IAH1: variants seen among roughly 807,000 people sequenced by gnomAD.
IAH1 encodes the protein isoamyl acetate hydrolyzing esterase 1 (putative).
Under a neutral mutation model 26.7 loss-of-function variants are expected in IAH1, and 24 were observed. That is an observed-to-expected ratio of 0.90 (90% confidence interval 0.65 to 1.26). The LOEUF (loss-of-function observed/expected upper bound fraction) is 1.26, where lower values mean the gene tolerates loss of function less well. IAH1 is among the 50% of genes most tolerant of loss of function. IAH1 has a pLI of 0.00. For synonymous variants in IAH1, 140 were observed against 118.5 expected, an observed-to-expected ratio of 1.18 and a Z score of -1.18; for missense variants, 300 against 299.9, an observed-to-expected ratio of 1.00 and a Z score of 0.00.
the IAH1 span, among the ~76,000 whole-genome samples, chr2:9,507,786 C>T: frequency 1.1e-4 from 17 of 152,204 alleles, no homozygotes; most frequent in South Asian, 3.5e-3. Flanking sequence ...GTAGCACAAC[C>T]TTGGCTCACT....
Position 9,483,785 on chromosome 2 carries a change from C to A in IAH1, c.446-647C>A, listed in dbSNP as rs576155132. Among the ~76,000 whole-genome samples, 5 of 152,304 alleles carry A rather than the reference C, an allele frequency of 3.3e-5. No homozygotes were observed. The East Asian group carries it at 9.7e-4, about 29-fold the overall frequency. Reference sequence around the variant, plus strand: ...TGCACTTGTGTTAGATACACTCAATCGTTCTGTGCTAGCTGCTTTGCTGGT... The same window carrying A: ...TGCACTTGTGTTAGATACACTCAATAGTTCTGTGCTAGCTGCTTTGCTGGT... On this transcript the variant is annotated intron_variant, in intron 4 of 5. Coordinates refer to ENST00000497473, the MANE Select transcript of IAH1 (RefSeq NM_001039613.3).
intron 2 of IAH1, among the ~76,000 whole-genome samples, chr2:9,477,984 T>C (rs1487990500): frequency 1.3e-5 from 2 of 152,160 alleles, no homozygotes; most frequent in African/African-American, 4.8e-5. Context: ...TCACAGCCCC[T>C]TTATATATAA....
chr2:9,482,330 G>T (rs1661235643), intron 4 of IAH1, among the ~76,000 whole-genome samples: 1 of 152,176 alleles, frequency 6.6e-6, no homozygotes, highest in African/African-American at 2.4e-5. Context: ...TCCTGGACTG[G>T]AAGTTTTCTA....
rs545156296 is a variant in IAH1, at chr2:9,477,620, G to A, written c.135-602G>A. 1.2e-4 allele frequency among the ~76,000 whole-genome samples: 18 copies of A among 150,778 alleles called. No homozygotes were observed. The East Asian group carries it at 2.6e-3, about 21-fold the overall frequency. ...AGGAGCACAGCGTGCCCAGGGTCACGCCTAGTCACACAGGGAGCCGAGAAA... is the reference window on the plus strand; with the variant it reads ...AGGAGCACAGCGTGCCCAGGGTCACACCTAGTCACACAGGGAGCCGAGAAA... On this transcript the variant is annotated intron_variant, in intron 2 of 5. Coordinates refer to ENST00000497473, the MANE Select transcript of IAH1 (RefSeq NM_001039613.3).
chr2:9,481,374 T>G lies in IAH1; in HGVS notation c.372T>G (p.Pro124=). The G allele has an allele frequency of 6.2e-7, 1 of 1,614,200 alleles. No individual in the cohort carries two copies. The highest frequency in any genetic ancestry group is 8.5e-7 in the Non-Finnish European group (1 of 1,180,032). Residue 124 remains proline, a synonymous_variant, in exon 4 of 6, where the codon CCT becomes CCG. Coordinates refer to ENST00000497473, the MANE Select transcript of IAH1 (RefSeq NM_001039613.3). ...MVQYLKSVDI[P]ENRVILITPT... The stretch of plus-strand genomic sequence containing the variant: ...AGTACCTGAAGTCCGTGGACATCCC[T>G]GAGAATCGAGTCATTCTCATCACGC...
the IAH1 span, among the ~76,000 whole-genome samples, chr2:9,506,440 T>C: frequency 0.58 from 86,558 of 148,862 alleles, 26,512 homozygotes; most frequent in African/African-American, 0.71. Context: ...AATCTTGGCT[T>C]ATTGTAACCT....
upstream of IAH1, among the ~76,000 whole-genome samples, chr2:9,474,103 C>G (rs1173132394): frequency 2.0e-5 from 3 of 152,194 alleles, no homozygotes; most frequent in East Asian, 5.8e-4. The surrounding 1 kb of genome is among the most constrained non-coding windows in gnomAD (Gnocchi z 4.3). Flanking sequence ...TTCCGCAGTG[C>G]CTGCGTCCTC....
chr2:9,480,338 A>G (rs1298845955), intron 3 of IAH1, among the ~76,000 whole-genome samples: 2 of 152,166 alleles, frequency 1.3e-5, no homozygotes, highest in East Asian at 3.9e-4. Flanking sequence ...CTCTGTCTCA[A>G]TAACAACAAA....
At chr2:9,487,788 TTGTGTG>T (rs70948823) in intron 5 of IAH1, among the ~76,000 whole-genome samples, 12,570 of 133,646 alleles carry the variant, frequency 0.094, 787 homozygotes, top group East Asian at 0.32. Flanking sequence ...CCCGGCCTTT[TTGTGTG>T]TGTGTGTGTG....
rs1371316790 is a variant in IAH1 at position 9,474,961 on chromosome 2, C to T, written c.81+314C>T. 55 of 1,062,202 alleles carry T rather than the reference C, an allele frequency of 5.2e-5. No individual in the cohort carries two copies. The highest frequency in any genetic ancestry group is 5.7e-5 in the Non-Finnish European group (49 of 861,258). 65.8% of individuals were successfully genotyped at this position (1,062,202 alleles called of 1,614,324 possible). On this transcript the variant is annotated intron_variant, in intron 1 of 5. Coordinates refer to ENST00000497473, the MANE Select transcript of IAH1 (RefSeq NM_001039613.3). The surrounding 1 kb of genome is among the most constrained non-coding windows in gnomAD (Gnocchi z 4.3). Reference sequence around the variant, plus strand: ...GATGCGCGGTCTTCCCCTCAGCGCCCTCCTGGGCAGCGGCCTTTCCCCTCC... The same window carrying T: ...GATGCGCGGTCTTCCCCTCAGCGCCTTCCTGGGCAGCGGCCTTTCCCCTCC...
intron 2 of IAH1, among the ~76,000 whole-genome samples, chr2:9,477,027 A>G (rs1660842220): frequency 6.6e-6 from 1 of 152,096 alleles, no homozygotes; most frequent in Non-Finnish European, 1.5e-5. Flanking sequence ...ACCAACAGGC[A>G]CTCGCTACCA....
chr2:9,474,430 C>T, upstream of IAH1: 3 of 463,266 alleles, frequency 6.5e-6, no homozygotes, highest in East Asian at 1.1e-4. This position sits in a 1 kb window ranked among gnomAD's most constrained non-coding sequence, Gnocchi z 4.3. Flanking sequence ...AAACGGACTC[C>T]AAGGGGCAAC....
chr2:9,475,120 T>C, intron 1 of IAH1: 1 of 1,274,588 alleles, frequency 7.8e-7, no homozygotes, highest in Non-Finnish European at 1.0e-6. Context: ...GGGGTTGACC[T>C]TGGAAGTAAA....
At chr2:9,494,444 C>T (rs1317380278), downstream of IAH1, among the ~76,000 whole-genome samples, 2 of 152,184 alleles carry the variant, frequency 1.3e-5, no homozygotes, top group African/African-American at 2.4e-5. Flanking sequence ...CCTCCCACCA[C>T]AGAAGGAAAC....
At chr2:9,493,920 T>G (rs1386519603), downstream of IAH1, 1 of 1,005,930 alleles carries the variant, frequency 9.9e-7, no homozygotes, top group Non-Finnish European at 1.5e-6. Flanking sequence ...GTAAAGGGCT[T>G]CATTAAAATC....
downstream of IAH1, among the ~76,000 whole-genome samples, chr2:9,501,104 TCA>T (rs1662973743): frequency 6.6e-6 from 1 of 152,032 alleles, no homozygotes; most frequent in Admixed American, 6.6e-5. Flanking sequence ...TCCTCCAAAT[TCA>T]CAGTAGTGAA....
At chr2:9,475,720 C>G (rs1682449993) in intron 1 of IAH1, 2 of 502,598 alleles carry the variant, frequency 4.0e-6, no homozygotes, top group South Asian at 2.4e-5. Context: ...AGGCTGGTCT[C>G]GAACTCGAGA....
At chr2:9,497,725 T>A (rs1290467995), downstream of IAH1, among the ~76,000 whole-genome samples, 3 of 152,184 alleles carry the variant, frequency 2.0e-5, no homozygotes, top group African/African-American at 7.2e-5. Flanking sequence ...TGCTGGTGTT[T>A]CCACTCTTTT....
intron 3 of IAH1, among the ~76,000 whole-genome samples, 192 bp downstream of exon 3, chr2:9,478,562 C>G (rs1350968994): frequency 6.6e-6 from 1 of 152,108 alleles, no homozygotes; most frequent in Non-Finnish European, 1.5e-5. Context: ...TTCTACATAC[C>G]TTGGTTGCTG....
Sources: allele counts gnomAD v4.1 joint callset (sites outside exome capture counted in the v4.1 genomes callset), GRCh38; gene constraint gnomAD v4.1.1; non-coding constraint Gnocchi (gnomAD v3.1); transcripts MANE v1.5; gene names NCBI Gene and HGNC (gene_info 2026-07-23, HGNC 2026-07-21).